The following EPHA5 variants were observed in gnomAD, a reference collection of about 807,000 sequenced individuals.
EPHA5 encodes ephrin type-A receptor 5.
In EPHA5, 60 loss-of-function variants were observed where a neutral mutation model predicts 105.0. That is an observed-to-expected ratio of 0.57 (90% CI 0.46 to 0.71). The LOEUF is 0.71. Ranked by LOEUF, EPHA5 falls within the 30% of genes least tolerant of loss-of-function variation. EPHA5 has a pLI of 0.00. For synonymous variants in EPHA5, 513 were observed against 449.1 expected (o/e 1.14, Z -1.80); for missense variants, 1,218 against 1,274.7 (o/e 0.96, Z 0.68).
intron 8 of EPHA5, among the ~76,000 whole-genome samples, chr4:65,370,126 C>T (rs1444430844): frequency 6.6e-6 from 1 of 152,080 alleles, no homozygotes; most frequent in Non-Finnish European, 1.5e-5. Flanking sequence ...GATCTCATGG[C>T]TTCAAATTTT....
chr4:65,539,847 T>G (rs183439366), intron 3 of EPHA5, among the ~76,000 whole-genome samples: 60 of 151,674 alleles, frequency 4.0e-4, no homozygotes, highest in South Asian at 8.3e-4. Flanking sequence ...AACTATACAA[T>G]AAGCTAAATA....
chr4:65,482,306 A>AG (rs397976839), intron 5 of EPHA5, among the ~76,000 whole-genome samples: 1 of 150,906 alleles, frequency 6.6e-6, no homozygotes, highest in African/African-American at 2.4e-5. Flanking sequence ...AAAAAAAAAA[A>AG]CAACCTGTGA....
chr4:65,421,994 A>G (rs1045577163), intron 5 of EPHA5, among the ~76,000 whole-genome samples: 2 of 152,254 alleles, frequency 1.3e-5, no homozygotes, highest in East Asian at 1.9e-4. Flanking sequence ...TTTGTGGGTA[A>G]AGACAACAAA....
chr4:65,665,825 G>C (rs1284147585), intron 1 of EPHA5, among the ~76,000 whole-genome samples: 3 of 152,144 alleles, frequency 2.0e-5, no homozygotes, highest in Admixed American at 2.0e-4. Context: ...TAAGCAAAAA[G>C]CCAAAACTAT....
At chr4:65,392,509 T>C (rs765159084) in intron 8 of EPHA5, among the ~76,000 whole-genome samples, 1 of 152,180 alleles carries the variant, frequency 6.6e-6, no homozygotes, top group Non-Finnish European at 1.5e-5. Flanking sequence ...ATGTTATAGA[T>C]GCCAAATATA....
intron 11 of EPHA5, among the ~76,000 whole-genome samples, chr4:65,354,111 C>T (rs1429166066): frequency 1.3e-5 from 2 of 151,658 alleles, no homozygotes; most frequent in Non-Finnish European, 3.0e-5. Context: ...ATAGCAATGG[C>T]GCCTACCTCA....
At position 65,669,602 on chromosome 4, in the gene EPHA5, G is replaced by A. The variant is rs1447706612; in HGVS notation, c.141C>T (p.Cys47=). ...RAPLWTCLLL[C]AALRTLLASP... ...TGGCCAGGAGGGTCCGGAGTGCGGC[G>A]CACAGGAGAAGGCACGTCCAGAGGG... Residue 47 remains cysteine (C), a synonymous_variant, in exon 1 of 17, where the codon TGC becomes TGT. Coordinates refer to ENST00000613740, the MANE Select transcript of EPHA5 (RefSeq NM_001281766.3). 4 of 1,434,030 alleles carry A rather than the reference G, an allele frequency of 2.8e-6. No homozygotes were observed. The highest frequency in any genetic ancestry group is 1.6e-5 in the South Asian group (1 of 61,848). 88.8% of individuals were successfully genotyped at this position (1,434,030 alleles called of 1,614,324 possible).
intron 1 of EPHA5, among the ~76,000 whole-genome samples, chr4:65,644,642 G>A (rs1260476423): frequency 6.6e-6 from 1 of 151,790 alleles, no homozygotes; most frequent in Non-Finnish European, 1.5e-5. Context: ...TTATGACTGA[G>A]GAAATTTTCT....
intron 5 of EPHA5, among the ~76,000 whole-genome samples, chr4:65,443,049 C>T (rs1460157595): frequency 1.3e-5 from 2 of 151,978 alleles, no homozygotes; most frequent in Admixed American, 6.6e-5. Context: ...TTTCAAAGAA[C>T]GATGCTAGAA....
intron 8 of EPHA5, among the ~76,000 whole-genome samples, chr4:65,401,277 G>A (rs1042615567): frequency 1.3e-5 from 2 of 151,914 alleles, no homozygotes; most frequent in Non-Finnish European, 2.9e-5. Flanking sequence ...GTTAATTCAG[G>A]ACAATCTAGG....
At chr4:65,334,083 C>T (rs1341518082) in intron 15 of EPHA5, among the ~76,000 whole-genome samples, 1 of 151,860 alleles carries the variant, frequency 6.6e-6, no homozygotes, top group Non-Finnish European at 1.5e-5. Context: ...TAGTATTCAT[C>T]TTGAATTCAA....
At chr4:65,520,190 A>C (rs1312587930) in intron 3 of EPHA5, among the ~76,000 whole-genome samples, 1 of 152,264 alleles carries the variant, frequency 6.6e-6, no homozygotes, top group Non-Finnish European at 1.5e-5. Context: ...ATATAGACCA[A>C]TGGAACAAAA....
intron 2 of EPHA5, among the ~76,000 whole-genome samples, chr4:65,640,277 TTTTTC>T (rs1747527818): frequency 8.3e-6 from 1 of 120,224 alleles, no homozygotes; most frequent in Non-Finnish European, 1.7e-5. Flanking sequence ...ATTGCTCAGT[TTTTTC>T]TTTTTTTTTT....
intron 3 of EPHA5, among the ~76,000 whole-genome samples, chr4:65,536,646 C>T (rs1217926122): frequency 7.0e-6 from 1 of 143,588 alleles, no homozygotes; most frequent in African/African-American, 2.6e-5. Context: ...TACTTTGAAT[C>T]AAATTACAGG....
intron 15 of EPHA5, among the ~76,000 whole-genome samples, chr4:65,335,181 G>C (rs554134389): frequency 7.2e-5 from 11 of 151,996 alleles, no homozygotes; most frequent in African/African-American, 2.7e-4. Context: ...ATAGACAACT[G>C]CCTCAAACAT....
Position 65,402,949 on chromosome 4 carries a change from G to A in EPHA5, c.1793+1425C>T, listed in dbSNP as rs150056564. 1.4e-3 allele frequency among the ~76,000 whole-genome samples: 214 copies of A among 152,280 alleles called. 1 individual carries two copies. The highest frequency in any genetic ancestry group is 5.0e-3 in the African/African-American group (206 of 41,582). On this transcript the variant is annotated intron_variant, in intron 8 of 16. Coordinates refer to ENST00000613740, the MANE Select transcript of EPHA5 (RefSeq NM_001281766.3). ...AGGTGACTTCAGAGAGATGAAATCA[G>A]TGGGGCACTAGATAGCTATCCCCCT...
At chr4:65,618,767 A>C (rs1239154151) in intron 2 of EPHA5, among the ~76,000 whole-genome samples, 1 of 152,324 alleles carries the variant, frequency 6.6e-6, no homozygotes, top group Admixed American at 6.5e-5. Flanking sequence ...TTCCCATTGG[A>C]GACATTCCAT....
At chr4:65,402,067 T>G (rs1481635890) in intron 8 of EPHA5, among the ~76,000 whole-genome samples, 1 of 152,116 alleles carries the variant, frequency 6.6e-6, no homozygotes, top group Non-Finnish European at 1.5e-5. Flanking sequence ...GTTTTCCACA[T>G]GCTGTTCTCA....
chr4:65,379,276 T>TACACACAC (rs35953627), intron 8 of EPHA5, among the ~76,000 whole-genome samples: 4 of 149,908 alleles, frequency 2.7e-5, no homozygotes, highest in South Asian at 2.1e-4. Flanking sequence ...AGTATGCACA[T>TACACACAC]ACACACACAC....
Sources: allele counts gnomAD v4.1 joint callset (sites outside exome capture counted in the v4.1 genomes callset), GRCh38; gene constraint gnomAD v4.1.1; transcripts MANE v1.5; gene names NCBI Gene and HGNC (gene_info 2026-07-23, HGNC 2026-07-21).